The following FBXL7 variants were observed in gnomAD, a reference collection of about 807,000 sequenced individuals.
FBXL7 encodes the protein F-box and leucine rich repeat protein 7, also known as F-box/LRR-repeat protein 7.
In FBXL7, 12 loss-of-function variants were observed where a neutral mutation model predicts 38.3. That is an observed-to-expected ratio of 0.31 (90% CI 0.20 to 0.51). FBXL7 has a LOEUF of 0.51. Ranked by LOEUF, FBXL7 falls within the 20% of genes least tolerant of loss-of-function variation. The probability of loss-of-function intolerance (pLI) is 0.98; values close to 1 mark genes in which losing one functional copy is unlikely to be tolerated. For synonymous variants in FBXL7, 297 were observed against 300.9 expected, an observed-to-expected ratio of 0.99 and a Z score of 0.13; for missense variants, 567 against 676.4, an observed-to-expected ratio of 0.84 and a Z score of 1.79.
At chr5:15,810,765 G>T (rs1011888727) in intron 2 of FBXL7, among the ~76,000 whole-genome samples, 3 of 152,050 alleles carry the variant, frequency 2.0e-5, no homozygotes, top group African/African-American at 7.2e-5. Context: ...ATAATAAATT[G>T]TAATAGTGTT....
chr5:15,623,219 C>T (rs2126530418), intron 2 of FBXL7, among the ~76,000 whole-genome samples: 1 of 152,240 alleles, frequency 6.6e-6, no homozygotes, highest in South Asian at 2.1e-4. Context: ...TGGCCCAAGA[C>T]CATTATTCCC....
At chr5:15,536,229 A>G (rs938619622) in intron 1 of FBXL7, among the ~76,000 whole-genome samples, 23 of 152,366 alleles carry the variant, frequency 1.5e-4, no homozygotes, top group Middle Eastern at 3.4e-3. Flanking sequence ...TGCTGGGGCA[A>G]TGCGGAAGGG....
chr5:15,732,530 C>T (rs749730134), intron 2 of FBXL7, among the ~76,000 whole-genome samples: 5 of 152,068 alleles, frequency 3.3e-5, no homozygotes, highest in African/African-American at 7.2e-5. Flanking sequence ...GAAACTCCAG[C>T]ATGTGGGATG....
chr5:15,722,408 C>T (rs1160000495), intron 2 of FBXL7, among the ~76,000 whole-genome samples: 1 of 152,142 alleles, frequency 6.6e-6, no homozygotes, highest in Non-Finnish European at 1.5e-5. Flanking sequence ...GTCCAGGCTC[C>T]ACCCTCCAGC....
intron 2 of FBXL7, among the ~76,000 whole-genome samples, chr5:15,715,510 AAAGT>A: frequency 6.7e-6 from 1 of 150,074 alleles, no homozygotes; most frequent in East Asian, 1.9e-4. Context: ...AAAAAAAAAA[AAAGT>A]AGAGACCAAG....
chr5:15,852,030 C>T (rs957376628), intron 2 of FBXL7, among the ~76,000 whole-genome samples: 1 of 152,094 alleles, frequency 6.6e-6, no homozygotes, highest in African/African-American at 2.4e-5. Flanking sequence ...TTTGCATGCC[C>T]TGTCAATGGC....
At position 15,937,666 on chromosome 5, in the gene FBXL7, A is replaced by G. The variant is rs182480314; in HGVS notation, c.*480A>G. ...TTCATTGACCTAAGTCACTCTCTTC[A>G]ATCCCACACCCATGGACATTCTTGT... is the stretch of plus-strand genomic sequence containing the variant. On this transcript the variant is annotated 3_prime_UTR_variant, in exon 4 of 4. Coordinates refer to ENST00000504595, the MANE Select transcript of FBXL7 (RefSeq NM_012304.5). 113 of 162,162 alleles carry G rather than the reference A, an allele frequency of 7.0e-4. No individual in the cohort carries two copies. Among genetic ancestry groups the G allele is most frequent in the Non-Finnish European group, 1.2e-3 (86 of 73,618 alleles). The allele number at this position is 162,162 out of a possible 1,614,324, so 10.0% of individuals were successfully genotyped here.
intron 3 of FBXL7, among the ~76,000 whole-genome samples, chr5:15,933,316 T>A (rs1358670055): frequency 6.6e-6 from 1 of 152,252 alleles, no homozygotes; most frequent in African/African-American, 2.4e-5. Context: ...GTATACATTT[T>A]CCTGGACCAA....
At chr5:15,788,864 T>G (rs889153811) in intron 2 of FBXL7, among the ~76,000 whole-genome samples, 9 of 151,378 alleles carry the variant, frequency 5.9e-5, no homozygotes, top group African/African-American at 2.2e-4. Flanking sequence ...ATTTTTTTTT[T>G]TTTTTTTGAA....
intron 2 of FBXL7, among the ~76,000 whole-genome samples, chr5:15,785,181 A>T (rs892702662): frequency 6.6e-6 from 1 of 152,208 alleles, no homozygotes; most frequent in African/African-American, 2.4e-5. Context: ...CCATTGCCAC[A>T]TGTATACATA....
intron 2 of FBXL7, among the ~76,000 whole-genome samples, chr5:15,829,239 G>C (rs997001745): frequency 6.6e-6 from 1 of 152,164 alleles, no homozygotes; most frequent in Non-Finnish European, 1.5e-5. Flanking sequence ...GTCTTCTACA[G>C]TAATTGTCTT....
chr5:15,639,767 G>A (rs190141058), intron 2 of FBXL7, among the ~76,000 whole-genome samples: 87 of 151,710 alleles, frequency 5.7e-4, no homozygotes, highest in Admixed American at 1.3e-3. Flanking sequence ...AATGCTCAAT[G>A]AACATTATTC....
At chr5:15,880,792 T>C (rs1740420215) in intron 2 of FBXL7, among the ~76,000 whole-genome samples, 2 of 149,052 alleles carry the variant, frequency 1.3e-5, no homozygotes, top group Admixed American at 6.7e-5. Context: ...CAAGGAAAGT[T>C]GTAATTTTTA....
At chr5:15,849,159 A>G (rs1236619874) in intron 2 of FBXL7, among the ~76,000 whole-genome samples, 1 of 152,188 alleles carries the variant, frequency 6.6e-6, no homozygotes, top group East Asian at 1.9e-4. Flanking sequence ...CTGTGATTTT[A>G]ATATTTGCAA....
At chr5:15,709,391 G>A (rs565116192) in intron 2 of FBXL7, among the ~76,000 whole-genome samples, 8 of 151,984 alleles carry the variant, frequency 5.3e-5, no homozygotes, top group Admixed American at 1.3e-4. Context: ...AAAATTAGCC[G>A]GGTGTGGTTG....
intron 1 of FBXL7, among the ~76,000 whole-genome samples, chr5:15,585,817 G>T (rs1489461945): frequency 6.6e-6 from 1 of 152,194 alleles, no homozygotes; most frequent in Non-Finnish European, 1.5e-5. Flanking sequence ...ACATGAGCAT[G>T]TATCTTATTA....
At chr5:15,525,406 G>A (rs998889112) in intron 1 of FBXL7, among the ~76,000 whole-genome samples, 4 of 152,062 alleles carry the variant, frequency 2.6e-5, no homozygotes, top group Non-Finnish European at 5.9e-5. Flanking sequence ...GTTTTATTGT[G>A]ATACCTTAGT....
At chr5:15,782,833 C>T (rs1175101017) in intron 2 of FBXL7, among the ~76,000 whole-genome samples, 1 of 151,666 alleles carries the variant, frequency 6.6e-6, no homozygotes, top group Non-Finnish European at 1.5e-5. Context: ...GTGGGGGTGG[C>T]CAAAGGGTGG....
At chr5:15,690,416 A>G in intron 2 of FBXL7, among the ~76,000 whole-genome samples, 2 of 152,328 alleles carry the variant, frequency 1.3e-5, no homozygotes, top group Middle Eastern at 6.8e-3. Flanking sequence ...TTTAGTTGAC[A>G]CATAGTAATT....
Sources: allele counts gnomAD v4.1 joint callset (sites outside exome capture counted in the v4.1 genomes callset), GRCh38; gene constraint gnomAD v4.1.1; transcripts MANE v1.5; gene names NCBI Gene and HGNC (gene_info 2026-07-23, HGNC 2026-07-21).